YBEY: variants seen among roughly 807,000 people sequenced by gnomAD.
YBEY encodes the protein ybeY metalloendoribonuclease, also known as endoribonuclease YbeY.
In YBEY, 15 loss-of-function variants were observed where a neutral mutation model predicts 13.5. The observed-to-expected ratio is 1.11, with a 90% CI of 0.75 to 1.72. The LOEUF (loss-of-function observed/expected upper bound fraction) is 1.72, where lower values mean the gene tolerates loss of function less well. YBEY is among the 40% of genes most tolerant of loss of function. The pLI, the probability that YBEY is intolerant of heterozygous loss-of-function variation, is 0.00. For missense variants in YBEY, 244 were observed against 208.4 expected (o/e 1.17, Z -1.05); for synonymous variants, 101 against 83.1 (o/e 1.21, Z -1.17).
rs1485117022 is a variant in YBEY at position 46,291,413 on chromosome 21, A to G, written c.290A>G (p.Tyr97Cys). 2.5e-6 allele frequency: 4 copies of G among 1,613,982 alleles called. No homozygotes were observed. Among genetic ancestry groups the G allele is most frequent in the Admixed American group, 1.7e-5 (1 of 59,984 alleles). Residue 97 changes from tyrosine (Y) to cysteine (C), a missense_variant, in exon 3 of 5, where the codon TAT (tyrosine) becomes TGT (cysteine). By Grantham distance (194) the Tyr-to-Cys change is radical. Coordinates refer to ENST00000397701, the MANE Select transcript of YBEY (RefSeq NM_001314025.2). ...GGAGACATTTTCCTAGGAGTGGAGT[A>G]TATCTTCCATCAGTGTAAAGAAAAT... ...NLGDIFLGVE[Y>C]IFHQCKENED...
At chr21:46,305,098 C>T in the YBEY span, among the ~76,000 whole-genome samples, 1 of 152,108 alleles carries the variant, frequency 6.6e-6, no homozygotes, top group Non-Finnish European at 1.5e-5. Context: ...CGGCTCCATT[C>T]ATCTGACACA....
At chr21:46,303,745 ATTTTTTTT>A in the YBEY span, among the ~76,000 whole-genome samples, 215 of 23,680 alleles carry the variant, frequency 9.1e-3, 2 homozygotes, top group South Asian at 0.014. Flanking sequence ...ATATATATAT[ATTTTTTTT>A]TTTTTTTTTT....
At chr21:46,295,547 G>A (rs1006134619) in intron 3 of YBEY, among the ~76,000 whole-genome samples, 2 of 151,634 alleles carry the variant, frequency 1.3e-5, no homozygotes, top group East Asian at 3.9e-4. Flanking sequence ...CTCCCCTGTG[G>A]GCTTTAATCC....
the YBEY span, among the ~76,000 whole-genome samples, chr21:46,306,571 T>G: frequency 6.6e-6 from 1 of 152,272 alleles, no homozygotes; most frequent in East Asian, 1.9e-4. Context: ...TTCCTGCAAA[T>G]GTTTTTTATT....
At chr21:46,303,308 T>C in the YBEY span, among the ~76,000 whole-genome samples, 3 of 152,008 alleles carry the variant, frequency 2.0e-5, no homozygotes, top group Non-Finnish European at 4.4e-5. Context: ...CCCTGCACTC[T>C]AGCCTGGGTA....
chr21:46,298,433 G>GTTTTTTTTTTTTTTTTTTTTTTTTTTTTT, downstream of YBEY, among the ~76,000 whole-genome samples: 1 of 67,238 alleles, frequency 1.5e-5, no homozygotes, highest in Non-Finnish European at 3.6e-5. Context: ...TTTAATCCAA[G>GTTTTTTTTTTTTTTTTTTTTTTTTTTTTT]CTTTTTTTTT....
chr21:46,287,135 A>T lies in YBEY; in HGVS notation c.210+12A>T. On this transcript the variant is annotated intron_variant, in intron 2 of 4. Coordinates refer to ENST00000397701, the MANE Select transcript of YBEY (RefSeq NM_001314025.2). ...TTCCATTTCATGAGGTAAAAAAAAA[A>T]TGTTCCTCTTCTTGTCTAGCCCATC... 1 of 1,583,110 alleles carries T rather than the reference A, an allele frequency of 6.3e-7. No homozygotes were observed. The highest frequency in any genetic ancestry group is 1.1e-5 in the South Asian group (1 of 87,382).
downstream of YBEY, among the ~76,000 whole-genome samples, chr21:46,298,452 G>A (rs1186811014): frequency 4.6e-4 from 12 of 25,824 alleles, 1 homozygote; most frequent in Admixed American, 3.2e-3. Flanking sequence ...TTTTTGAGAC[G>A]GAGTCTCGCT....
chr21:46,310,363 C>T, the YBEY span, among the ~76,000 whole-genome samples: 1 of 151,842 alleles, frequency 6.6e-6, no homozygotes, highest in Non-Finnish European at 1.5e-5. Context: ...CCAGTAATCC[C>T]AGCTACTCGA....
chr21:46,295,486 C>A (rs768888271), intron 3 of YBEY, among the ~76,000 whole-genome samples: 2 of 152,072 alleles, frequency 1.3e-5, no homozygotes, highest in African/African-American at 4.8e-5. Context: ...CCTCCCTCCT[C>A]TTCCTCCTCC....
At chr21:46,301,117 C>T (rs372762115), downstream of YBEY, 23 of 988,246 alleles carry the variant, frequency 2.3e-5, no homozygotes, top group Middle Eastern at 5.2e-4. Context: ...AAAGGGATCA[C>T]GTCATACACA....
At chr21:46,299,750 G>GC (rs545785598), downstream of YBEY, among the ~76,000 whole-genome samples, 54 of 147,376 alleles carry the variant, frequency 3.7e-4, no homozygotes, top group South Asian at 8.4e-4. Flanking sequence ...TGTGCCCTGA[G>GC]CCCCCCCCAC....
chr21:46,309,073 C>T, the YBEY span, among the ~76,000 whole-genome samples: 1 of 152,182 alleles, frequency 6.6e-6, no homozygotes, highest in Non-Finnish European at 1.5e-5. Context: ...AATCCTAGTA[C>T]TTTGGGAGGC....
chr21:46,291,278 A>C, intron 2 of YBEY, 56 bp from the exon 3 acceptor site: 1 of 1,607,216 alleles, frequency 6.2e-7, no homozygotes, highest in Non-Finnish European at 8.5e-7. Context: ...AAACCTGTCA[A>C]CCTGTGGTTG....
Position 46,296,150 on chromosome 21 carries a change from T to C in YBEY, c.340-12T>C. ...GGTCATCCTCTGAGCCGGTTTAAAA[T>C]TATTCTGACAGGTGACGGCCACCCA... On this transcript the variant is annotated splice_polypyrimidine_tract_variant and intron_variant, in intron 3 of 4. Transcript: ENST00000397701. 1 of 1,613,678 alleles carries C rather than the reference T, an allele frequency of 6.2e-7. No individual in the cohort carries two copies. The highest frequency in any genetic ancestry group is 2.2e-5 in the East Asian group (1 of 44,854).
the YBEY span, among the ~76,000 whole-genome samples, chr21:46,305,187 G>C: frequency 6.6e-6 from 1 of 152,130 alleles, no homozygotes; most frequent in Non-Finnish European, 1.5e-5. Flanking sequence ...GACGTAGTCC[G>C]ACGGGTGGAG....
downstream of YBEY, among the ~76,000 whole-genome samples, chr21:46,298,675 C>G (rs1046380799): frequency 2.6e-5 from 4 of 151,758 alleles, no homozygotes. Flanking sequence ...GTGATCCGCC[C>G]ACCTCGGCCT....
chr21:46,301,185 A>C, downstream of YBEY: 1 of 655,014 alleles, frequency 1.5e-6, no homozygotes, highest in South Asian at 6.5e-5. Context: ...TCTGTGGTCC[A>C]GGCTATAGTG....
chr21:46,296,992 G>A (rs967714056), intron 4 of YBEY, among the ~76,000 whole-genome samples: 1 of 133,678 alleles, frequency 7.5e-6, no homozygotes, highest in Non-Finnish European at 1.6e-5. Flanking sequence ...GTGAAAGTCC[G>A]TCTCAAAAAG....
Sources: allele counts gnomAD v4.1 joint callset (sites outside exome capture counted in the v4.1 genomes callset), GRCh38; gene constraint gnomAD v4.1.1; transcripts MANE v1.5; gene names NCBI Gene and HGNC (gene_info 2026-07-23, HGNC 2026-07-21).